POLR1A: variants seen among roughly 807,000 people sequenced by gnomAD.
POLR1A encodes the protein RNA polymerase I subunit A, also known as DNA-directed RNA polymerase I subunit RPA1.
POLR1A carries 84 observed loss-of-function variants against 205.3 expected under a neutral mutation model. The observed-to-expected ratio is 0.41, with a 90% CI of 0.34 to 0.49. POLR1A has a LOEUF of 0.49. Among genes scored for constraint, POLR1A ranks in the 20% least tolerant of loss-of-function variants. POLR1A has a pLI of 0.22. For synonymous variants in POLR1A, 799 were observed against 863.7 expected (o/e 0.93, Z 1.31); for missense variants, 1,645 against 2,204.5 (o/e 0.75, Z 5.08).
In POLR1A at chr2:86,047,182, T is replaced by A; in HGVS notation, c.2716A>T (p.Thr906Ser). ...GCACATACCTGCATCGTGTTCACAGTTGAACCTTTGGCTCCCGACTGCACC... is the reference window on the plus strand; with the variant it reads ...GCACATACCTGCATCGTGTTCACAGATGAACCTTTGGCTCCCGACTGCACC... ...MMVQSGAKGS[T>S]VNTMQISCLL... is the part of the protein sequence containing the mutation. The change falls in exon 19 of 34, where the codon ACT becomes TCT. Residue 906 changes from threonine (T) to serine (S), a missense_variant. Physicochemically the swap from Thr to Ser is moderately conservative, Grantham distance 58. Around this residue, in one of 16 missense-constraint regions of POLR1A, gnomAD observed 339 missense variants for 415.1 expected, o/e 0.82. Transcript: ENST00000263857. The A allele has an allele frequency of 6.2e-7, 1 of 1,614,036 alleles. No homozygotes were observed. Among genetic ancestry groups the A allele is most frequent in the Non-Finnish European group, 8.5e-7 (1 of 1,179,876 alleles).
intron 6 of POLR1A, among the ~76,000 whole-genome samples, chr2:86,084,942 T>C (rs1673475974): frequency 1.3e-5 from 2 of 151,854 alleles, no homozygotes; most frequent in Admixed American, 1.3e-4. Flanking sequence ...TCTCTGTTAA[T>C]AGGTATTTAA....
chr2:86,097,140 G>A (rs1673718094), intron 3 of POLR1A, among the ~76,000 whole-genome samples: 1 of 128,624 alleles, frequency 7.8e-6, no homozygotes, highest in African/African-American at 2.9e-5. Context: ...TAGTCATTGA[G>A]AAAACACAAA....
At chr2:86,042,133 G>A (rs766082688) in intron 23 of POLR1A, 30 bp from the exon 24 acceptor site, 2 of 1,495,044 alleles carry the variant, frequency 1.3e-6, no homozygotes, top group Admixed American at 1.7e-5. Flanking sequence ...TCAGCTATGT[G>A]GGAGGGATAC....
At chr2:86,064,797 C>T (rs147462937) in intron 14 of POLR1A, among the ~76,000 whole-genome samples, 134 of 151,874 alleles carry the variant, frequency 8.8e-4, no homozygotes, top group African/African-American at 3.1e-3. Flanking sequence ...CTCTGTTGCC[C>T]AGGCAGGAGT....
Position 86,027,645 on chromosome 2 carries a change from G to A in POLR1A, c.5063-122C>T, listed in dbSNP as rs1573798325. On this transcript the variant is annotated intron_variant, in intron 33 of 33. Transcript: ENST00000263857. ...AGGTGGGTCCTGAGTCTCTGAAGCT[G>A]ATGGGATCACGAGGCAGCCCCCCTC... 159 of 925,472 alleles carry A rather than the reference G, an allele frequency of 1.7e-4. No homozygotes were observed. In the South Asian group the frequency reaches 2.1e-3, roughly 12 times the overall value. 57.3% of individuals were successfully genotyped at this position (925,472 alleles called of 1,614,324 possible).
chr2:86,091,093 GAACTACCAGCCCTTGTAC>G (rs1673592983), intron 3 of POLR1A, among the ~76,000 whole-genome samples: 2 of 152,018 alleles, frequency 1.3e-5, no homozygotes, highest in Admixed American at 1.3e-4. Flanking sequence ...ATACTCTCAG[GAACTACCAGCCCTTGTAC>G]AATCACTCAG....
At chr2:86,033,936 A>T (rs1465606062) in intron 27 of POLR1A, 149 bp from the exon 28 acceptor site, 1 of 964,288 alleles carries the variant, frequency 1.0e-6, no homozygotes, top group African/African-American at 1.7e-5. Context: ...ACTTGTCCCT[A>T]CCCGCTGTTT....
In POLR1A at chr2:86,039,398, G is replaced by C. The variant is rs373510358; in HGVS notation, c.3805C>G (p.Leu1269Val). The change falls in exon 26 of 34, where the codon CTC becomes GTC. Residue 1269 changes from leucine to valine, a missense_variant. Physicochemically the swap from Leu to Val is conservative, Grantham distance 32. This residue lies in a region of POLR1A where 394 missense variants were observed against 468.5 expected (regional missense o/e 0.84). Transcript: ENST00000263857. ...IKTPMMSVPV[L>V]NTKKALKRVK... Reference sequence around the variant, plus strand: ...CTCTTCAGGGCTTTCTTGGTGTTGAGCACGGGCACGCTCATCATGGGTGTC... The same window carrying C: ...CTCTTCAGGGCTTTCTTGGTGTTGACCACGGGCACGCTCATCATGGGTGTC... The C allele has an allele frequency of 1.2e-6, 2 of 1,614,006 alleles. No homozygotes were observed. Among genetic ancestry groups the C allele is most frequent in the Non-Finnish European group, 1.7e-6 (2 of 1,179,988 alleles).
At chr2:86,062,392 C>T (rs1673012872) in intron 14 of POLR1A, among the ~76,000 whole-genome samples, 1 of 151,734 alleles carries the variant, frequency 6.6e-6, no homozygotes, top group Admixed American at 6.6e-5. Flanking sequence ...CGGAAATCAA[C>T]AATCGAGATA....
chr2:86,037,265 C>T (rs1042053605), intron 27 of POLR1A, among the ~76,000 whole-genome samples: 8 of 152,248 alleles, frequency 5.3e-5, no homozygotes, highest in African/African-American at 1.9e-4. Context: ...CTGGCACCAA[C>T]GCAGGTGCTC....
At position 86,021,090 on chromosome 2, in the gene POLR1A, C is replaced by A. The variant is rs1250991901; in HGVS notation, c.*6333G>T. 6.6e-6 allele frequency: 1 copy of A among 152,218 alleles called. No homozygotes were observed. Among genetic ancestry groups the A allele is most frequent in the Non-Finnish European group, 1.5e-5 (1 of 68,042 alleles). 9.4% of individuals were successfully genotyped at this position (152,218 alleles called of 1,614,324 possible). On this transcript the variant is annotated 3_prime_UTR_variant, in exon 34 of 34. Transcript: ENST00000263857. ...CTTGAGGTTTGATTGGCTGAACGCA[C>A]GTGGAACATCAGGTTCATGTTTCCA...
Position 86,038,870 on chromosome 2 carries a change from G to T in POLR1A, c.3877-13C>A. Reference sequence around the variant, plus strand: ...TTTTCTGCAACACCTGGAACCAGACGGACAGAGAGAACTTGACTTGTTCAG... The same window carrying T: ...TTTTCTGCAACACCTGGAACCAGACTGACAGAGAGAACTTGACTTGTTCAG... On this transcript the variant is annotated splice_polypyrimidine_tract_variant and intron_variant, in intron 26 of 33. Transcript: ENST00000263857. 6.2e-7 allele frequency: 1 copy of T among 1,613,456 alleles called. No individual in the cohort carries two copies.
At position 86,048,964 on chromosome 2, in the gene POLR1A, C is replaced by T. The variant is rs539643663; in HGVS notation, c.2554G>A (p.Gly852Ser). Residue 852 changes from glycine to serine, a missense_variant, in exon 18 of 34, where the codon GGC becomes AGC. By Grantham distance (56) the Gly-to-Ser change is moderately conservative. Coordinates refer to ENST00000263857, the MANE Select transcript of POLR1A (RefSeq NM_015425.6). Reference protein sequence around the residue: ...VRGKWQDAHLGKDQRDFNMID... With the variant: ...VRGKWQDAHLSKDQRDFNMID... ...ATGTTAAAATCCCTCTGGTCCTTGC[C>T]CAGATGGGCATCCTGCCATTTTCCT... The T allele has an allele frequency of 3.7e-6, 6 of 1,614,146 alleles. 1 individual carries two copies. The South Asian group carries it at 6.6e-5, about 18-fold the overall frequency.
intron 3 of POLR1A, among the ~76,000 whole-genome samples, chr2:86,096,359 T>C (rs909961533): frequency 6.6e-6 from 1 of 151,988 alleles, no homozygotes; most frequent in Non-Finnish European, 1.5e-5. Flanking sequence ...CCCAAAGCAA[T>C]TTACAGATTC....
At chr2:86,098,045 A>C (rs967642735) in intron 3 of POLR1A, among the ~76,000 whole-genome samples, 1 of 152,224 alleles carries the variant, frequency 6.6e-6, no homozygotes, top group Non-Finnish European at 1.5e-5. Context: ...GACCAAAAAA[A>C]CCAAATACAA....
At chr2:86,064,123 G>C (rs554692110) in intron 14 of POLR1A, among the ~76,000 whole-genome samples, 34 of 152,252 alleles carry the variant, frequency 2.2e-4, no homozygotes, top group African/African-American at 6.5e-4. Flanking sequence ...CTTCTGTCAC[G>C]GGTGAGATTT....
chr2:86,023,630 T>C lies in POLR1A; in HGVS notation c.*3793A>G, dbSNP rs1199711365. 5.9e-5 allele frequency: 9 copies of C among 152,110 alleles called. No homozygotes were observed. Among genetic ancestry groups the C allele is most frequent in the Admixed American group, 5.9e-4 (9 of 15,278 alleles). The allele number at this position is 152,110 out of a possible 1,614,324, so 9.4% of individuals were successfully genotyped here. On this transcript the variant is annotated 3_prime_UTR_variant, in exon 34 of 34. Coordinates refer to ENST00000263857, the MANE Select transcript of POLR1A (RefSeq NM_015425.6). ...TTGTTGTACACCGTTGGTGGGAACATAAAATGGTGTAGCTGCTGTGGAAAA... is the reference window on the plus strand; with the variant it reads ...TTGTTGTACACCGTTGGTGGGAACACAAAATGGTGTAGCTGCTGTGGAAAA...
intron 27 of POLR1A, among the ~76,000 whole-genome samples, chr2:86,036,330 A>C (rs927217399): frequency 6.6e-5 from 10 of 152,118 alleles, no homozygotes; most frequent in Non-Finnish European, 1.3e-4. Flanking sequence ...CAATTTACAC[A>C]AACAGCCCAT....
Position 86,070,376 on chromosome 2 carries a change from A to G in POLR1A, c.1612-104T>C. 1 of 1,255,586 alleles carries G rather than the reference A, an allele frequency of 8.0e-7. No individual in the cohort carries two copies. Among genetic ancestry groups the G allele is most frequent in the Admixed American group, 2.4e-5 (1 of 42,516 alleles). 77.8% of individuals were successfully genotyped at this position (1,255,586 alleles called of 1,614,324 possible). A position where few individuals can be genotyped will look rare whatever the true frequency, so the allele number is the denominator to read the frequency against. On this transcript the variant is annotated intron_variant, in intron 12 of 33. Coordinates refer to ENST00000263857, the MANE Select transcript of POLR1A (RefSeq NM_015425.6). The surrounding 1 kb of genome is among the most constrained non-coding windows in gnomAD (Gnocchi z 4.4). ...TTGACCAAGGTGTGGCTTTTGTCTC[A>G]CGTTCTAGTTAACTAAATGCAAGGG...
Sources: allele counts gnomAD v4.1 joint callset (sites outside exome capture counted in the v4.1 genomes callset), GRCh38; gene constraint gnomAD v4.1.1; regional missense constraint gnomAD v4.1.1; non-coding constraint Gnocchi (gnomAD v3.1); transcripts MANE v1.5; gene names NCBI Gene and HGNC (gene_info 2026-07-23, HGNC 2026-07-21).